The following EXOC4 variants were observed in gnomAD, a reference collection of about 807,000 sequenced individuals.
The protein encoded by EXOC4 is SEC8-like 1.
In EXOC4, 71 loss-of-function variants were observed where a neutral mutation model predicts 107.2. The observed-to-expected ratio is 0.66, with a 90% CI of 0.55 to 0.81. EXOC4 has a LOEUF of 0.81. Among genes scored for constraint, EXOC4 ranks in the 30% least tolerant of loss-of-function variants. The probability of loss-of-function intolerance (pLI) is 0.00; values close to 1 mark genes in which losing one functional copy is unlikely to be tolerated. For synonymous variants in EXOC4, 456 were observed against 441.2 expected, an observed-to-expected ratio of 1.03 and a Z score of -0.42; for missense variants, 1,108 against 1,189.6, an observed-to-expected ratio of 0.93 and a Z score of 1.01.
chr7:133,624,139 A>G (rs766810161), intron 9 of EXOC4, among the ~76,000 whole-genome samples: 23 of 152,328 alleles, frequency 1.5e-4, no homozygotes, highest in Non-Finnish European at 2.8e-4. Flanking sequence ...TTCTACGTGG[A>G]AAGGCCAATT....
rs149727837 is a variant in EXOC4, at chr7:133,275,000, C to T, written c.105C>T (p.Asp35=). Residue 35 remains aspartate, a synonymous_variant, in exon 2 of 18, where the codon GAC becomes GAT. Coordinates refer to ENST00000253861, the MANE Select transcript of EXOC4 (RefSeq NM_021807.4). ...TCACCAGGACTCTGTCTACTAGTGA[C>T]GATGTCGAAGACAGGGAAAATGAAA... ...ISVIRTLSTS[D]DVEDRENEKG... 6.8e-6 allele frequency: 11 copies of T among 1,609,400 alleles called. No individual in the cohort carries two copies. The highest frequency in any genetic ancestry group is 4.0e-5 in the African/African-American group (3 of 74,790).
At chr7:133,607,742 A>G (rs1801982041) in intron 9 of EXOC4, among the ~76,000 whole-genome samples, 1 of 152,236 alleles carries the variant, frequency 6.6e-6, no homozygotes, top group African/African-American at 2.4e-5. Context: ...CATAAGAAAT[A>G]CTAAAAGTAG....
intron 5 of EXOC4, among the ~76,000 whole-genome samples, chr7:133,348,387 A>G (rs993987418): frequency 6.6e-6 from 1 of 152,106 alleles, no homozygotes; most frequent in East Asian, 1.9e-4. Context: ...TTGTTCTTTA[A>G]TGGGCTATCT....
At chr7:133,464,649 A>G (rs757680735) in intron 7 of EXOC4, among the ~76,000 whole-genome samples, 1 of 152,114 alleles carries the variant, frequency 6.6e-6, no homozygotes, top group Non-Finnish European at 1.5e-5. Flanking sequence ...TATCGGAATC[A>G]AGGAGACTGA....
chr7:133,673,930 C>T (rs1391887965), intron 10 of EXOC4, among the ~76,000 whole-genome samples: 2 of 152,134 alleles, frequency 1.3e-5, no homozygotes, highest in Non-Finnish European at 2.9e-5. Flanking sequence ...ACTCACAGTC[C>T]TGTAGGAAGT....
intron 9 of EXOC4, among the ~76,000 whole-genome samples, chr7:133,614,819 T>C (rs1208601214): frequency 2.1e-5 from 2 of 97,146 alleles, no homozygotes; most frequent in East Asian, 3.3e-4. Context: ...AAAAAAAAGA[T>C]GGTGGTTGTG....
chr7:133,682,826 G>A (rs898169063), intron 10 of EXOC4, among the ~76,000 whole-genome samples: 6 of 152,164 alleles, frequency 3.9e-5, no homozygotes, highest in Non-Finnish European at 5.9e-5. Context: ...CTCAAATGCC[G>A]CACCTGCTCG....
chr7:134,073,227 A>AAAAAAAAAAAAAAG, the EXOC4 span, among the ~76,000 whole-genome samples: 2 of 18,114 alleles, frequency 1.1e-4, no homozygotes, highest in African/African-American at 5.7e-4. Context: ...AAAAAAAAAA[A>AAAAAAAAAAAAAAG]AAAAACAACA....
rs376732094 is a variant in EXOC4 at position 133,582,849 on chromosome 7, G to A, written c.1418-47196G>A. 2.6e-4 allele frequency among the ~76,000 whole-genome samples: 40 copies of A among 152,256 alleles called. No individual in the cohort carries two copies. The East Asian group carries it at 7.5e-3, about 29-fold the overall frequency. ...CATGTTAACAGAAAAAAGAAATGGA[G>A]TCTAAAGAAATACAAAAGAGTTCAT... On this transcript the variant is annotated intron_variant, in intron 9 of 17. Coordinates refer to ENST00000253861, the MANE Select transcript of EXOC4 (RefSeq NM_021807.4).
rs532220675 is a variant in EXOC4, at chr7:133,634,150, C to T, written c.1514+4009C>T. Among the ~76,000 whole-genome samples, 36 of 152,034 alleles carry T rather than the reference C, an allele frequency of 2.4e-4. 1 individual carries two copies. In the South Asian group the frequency reaches 4.6e-3, roughly 19 times the overall value. ...CTCTCCTTTCATAAAATTATTATAC[C>T]GGGTCCTCAATTCTGGTAATCTTGC... On this transcript the variant is annotated intron_variant, in intron 10 of 17. Coordinates refer to ENST00000253861, the MANE Select transcript of EXOC4 (RefSeq NM_021807.4).
intron 7 of EXOC4, among the ~76,000 whole-genome samples, chr7:133,390,792 G>A (rs1238982781): frequency 1.3e-5 from 2 of 152,194 alleles, no homozygotes; most frequent in East Asian, 1.9e-4. Context: ...TTAAGAAAAT[G>A]TGCTATTCAG....
chr7:133,700,118 G>A (rs1299831978), intron 10 of EXOC4, among the ~76,000 whole-genome samples: 1 of 152,168 alleles, frequency 6.6e-6, no homozygotes. Context: ...ATCATGGCCA[G>A]TGGAGGGGAA....
In EXOC4 at chr7:133,719,734, T is replaced by C. The variant is rs542156024; in HGVS notation, c.1514+89593T>C. 6.6e-5 allele frequency among the ~76,000 whole-genome samples: 10 copies of C among 152,274 alleles called. No individual in the cohort carries two copies. In the East Asian group the frequency reaches 1.9e-3, roughly 29 times the overall value. ...TGAAGTGAGTTTTGGTGATTTCTCA[T>C]TAAATTGAATTGGCAGAAACTCAGA... On this transcript the variant is annotated intron_variant, in intron 10 of 17. Transcript: ENST00000253861.
chr7:133,416,463 G>C (rs1797476917), intron 7 of EXOC4, among the ~76,000 whole-genome samples: 1 of 152,188 alleles, frequency 6.6e-6, no homozygotes, highest in Non-Finnish European at 1.5e-5. Flanking sequence ...AAGATCCTTT[G>C]AGTAAGGAAT....
chr7:133,820,108 C>G (rs1357982484), intron 11 of EXOC4, among the ~76,000 whole-genome samples: 2 of 147,238 alleles, frequency 1.4e-5, no homozygotes, highest in African/African-American at 5.0e-5. Flanking sequence ...ACCATTCAAG[C>G]TATTAACCTG....
intron 17 of EXOC4, among the ~76,000 whole-genome samples, chr7:134,037,536 T>C (rs1469019833): frequency 6.6e-6 from 1 of 152,178 alleles, no homozygotes; most frequent in Non-Finnish European, 1.5e-5. Flanking sequence ...AGAGGGGCCC[T>C]GTGTTAGGCT....
At chr7:133,501,776 G>GT (rs1228377460) in intron 9 of EXOC4, among the ~76,000 whole-genome samples, 1 of 152,116 alleles carries the variant, frequency 6.6e-6, no homozygotes, top group African/African-American at 2.4e-5. Context: ...TTTTATTGGG[G>GT]TACAGGGTGA....
At chr7:133,433,941 AG>A (rs983451657) in intron 7 of EXOC4, among the ~76,000 whole-genome samples, 2 of 152,232 alleles carry the variant, frequency 1.3e-5, no homozygotes, top group African/African-American at 4.8e-5. Flanking sequence ...TGGATCAGCT[AG>A]TTGTATGTCC....
chr7:133,681,571 T>A (rs1355920529), intron 10 of EXOC4, among the ~76,000 whole-genome samples: 1 of 152,182 alleles, frequency 6.6e-6, no homozygotes, highest in East Asian at 1.9e-4. Context: ...CTTCCTACCA[T>A]AGTTTAGAGA....
Sources: gnomAD v4.1 joint callset for allele counts (sites outside exome capture counted in the v4.1 genomes callset) on GRCh38, gnomAD v4.1.1 for gene constraint, MANE v1.5 for transcripts, NCBI Gene and HGNC (gene_info 2026-07-23, HGNC 2026-07-21) for gene names.